Variants in GALNT18 observed in about 807,000 individuals in gnomAD.
GALNT18 encodes the protein polypeptide N-acetylgalactosaminyltransferase 18, also known as GalNAc-transferase 18.
Under a neutral mutation model 69.5 loss-of-function variants are expected in GALNT18, and 44 were observed. That is an observed-to-expected ratio of 0.63 (90% CI 0.50 to 0.81). The LOEUF (loss-of-function observed/expected upper bound fraction) is 0.81, where lower values mean the gene tolerates loss of function less well. Among genes scored for constraint, GALNT18 ranks in the 40% least tolerant of loss-of-function variants. GALNT18 has a pLI of 0.00. For synonymous variants in GALNT18, 364 were observed against 318.2 expected, an observed-to-expected ratio of 1.14 and a Z score of -1.53; for missense variants, 715 against 810.0, an observed-to-expected ratio of 0.88 and a Z score of 1.42.
chr11:11,319,052 T>C (rs4442542), intron 9 of GALNT18, among the ~76,000 whole-genome samples: 123,386 of 147,098 alleles, frequency 0.84, 51,106 homozygotes, highest in Middle Eastern at 0.91. Context: ...TTAGAAAATG[T>C]CTACAGATAC....
Position 11,459,460 on chromosome 11 carries a change from G to C in GALNT18, c.236-10524C>G, listed in dbSNP as rs1348390181. Reference sequence around the variant, plus strand: ...GAACAGTGTTGCAGGGAAGAAGAGAGGCTTCTTCAGGGTGCCTCAGCCCAA... The same window carrying C: ...GAACAGTGTTGCAGGGAAGAAGAGACGCTTCTTCAGGGTGCCTCAGCCCAA... On this transcript the variant is annotated intron_variant, in intron 1 of 10. Coordinates refer to ENST00000227756, the MANE Select transcript of GALNT18 (RefSeq NM_198516.3). The surrounding 1 kb of genome is among the most constrained non-coding windows in gnomAD (Gnocchi z 5.0). Among the ~76,000 whole-genome samples the C allele has an allele frequency of 6.6e-6, 1 of 152,142 alleles. No homozygotes were observed. Among genetic ancestry groups the C allele is most frequent in the Non-Finnish European group, 1.5e-5 (1 of 68,022 alleles).
chr11:11,611,068 T>C (rs1433529674), intron 1 of GALNT18, among the ~76,000 whole-genome samples: 3 of 152,162 alleles, frequency 2.0e-5, no homozygotes, highest in Non-Finnish European at 2.9e-5. Flanking sequence ...ACTTGGATAA[T>C]AGAAAATGTC....
intron 2 of GALNT18, among the ~76,000 whole-genome samples, chr11:11,445,895 A>C (rs994381812): frequency 6.6e-6 from 1 of 152,062 alleles, no homozygotes; most frequent in Non-Finnish European, 1.5e-5. Context: ...TCAGAAGAAA[A>C]CTGTAGAATT....
chr11:11,334,375 T>C (rs933577655), intron 7 of GALNT18, among the ~76,000 whole-genome samples: 2 of 151,922 alleles, frequency 1.3e-5, no homozygotes, highest in Non-Finnish European at 2.9e-5. Flanking sequence ...ACCCCGTCTC[T>C]ACTAAAAATA....
At chr11:11,285,663 A>G (rs1211290204) in intron 10 of GALNT18, among the ~76,000 whole-genome samples, 3 of 152,180 alleles carry the variant, frequency 2.0e-5, no homozygotes, top group East Asian at 3.8e-4. Flanking sequence ...TTTATTCTGG[A>G]GCCATCATTA....
Position 11,413,729 on chromosome 11 carries a change from G to C in GALNT18, c.595+18892C>G, listed in dbSNP as rs971141464. Among the ~76,000 whole-genome samples the C allele has an allele frequency of 6.6e-6, 1 of 152,174 alleles. No individual in the cohort carries two copies. Among genetic ancestry groups the C allele is most frequent in the African/African-American group, 2.4e-5 (1 of 41,444 alleles). ...GGCCCTGGTTCTTTGAAGCCTTGCTGTGTTATAACTAGGGTATTTCACCAT... is the reference window on the plus strand; with the variant it reads ...GGCCCTGGTTCTTTGAAGCCTTGCTCTGTTATAACTAGGGTATTTCACCAT... On this transcript the variant is annotated intron_variant, in intron 3 of 10. Transcript: ENST00000227756. This position sits in a 1 kb window ranked among gnomAD's most constrained non-coding sequence, Gnocchi z 4.7.
Position 11,314,692 on chromosome 11 carries a change from T to C in GALNT18, c.1512+12394A>G, listed in dbSNP as rs11021796. 0.1 allele frequency among the ~76,000 whole-genome samples: 15,232 copies of C among 152,260 alleles called. 874 individuals carry two copies. Among genetic ancestry groups the C allele is most frequent in the Non-Finnish European group, 0.13 (8,876 of 68,008 alleles). The stretch of plus-strand genomic sequence containing the variant: ...CTCTGGGTGGCCTGAGAATCAGGGA[T>C]AACTGCAGGCAGGTTCCAGGGGGCA... On this transcript the variant is annotated intron_variant, in intron 9 of 10. Coordinates refer to ENST00000227756, the MANE Select transcript of GALNT18 (RefSeq NM_198516.3). This position sits in a 1 kb window ranked among gnomAD's most constrained non-coding sequence, Gnocchi z 5.2.
Position 11,620,371 on chromosome 11 carries a change from T to G in GALNT18, c.235+988A>C, listed in dbSNP as rs773424385. 1.3e-5 allele frequency among the ~76,000 whole-genome samples: 2 copies of G among 151,824 alleles called. No homozygotes were observed. The highest frequency in any genetic ancestry group is 1.5e-5 in the Non-Finnish European group (1 of 67,978). On this transcript the variant is annotated intron_variant, in intron 1 of 10. Coordinates refer to ENST00000227756, the MANE Select transcript of GALNT18 (RefSeq NM_198516.3). The surrounding 1 kb of genome is among the most constrained non-coding windows in gnomAD (Gnocchi z 6.9). ...TGTGCACACCCGGCACCAGTGCTCC[T>G]GGCGCCCGGAACTCCATTCCCTCCC...
At chr11:11,481,259 C>T (rs939824824) in intron 1 of GALNT18, among the ~76,000 whole-genome samples, 2 of 141,682 alleles carry the variant, frequency 1.4e-5, no homozygotes. Context: ...CTTGCCCTGG[C>T]TACAGCTACA....
intron 9 of GALNT18, among the ~76,000 whole-genome samples, chr11:11,304,879 C>T (rs1849554221): frequency 6.6e-6 from 1 of 152,112 alleles, no homozygotes; most frequent in Non-Finnish European, 1.5e-5. Context: ...CCCCTTTGGC[C>T]CTAGAAAAAG....
At chr11:11,456,902 C>T (rs1855936707) in intron 1 of GALNT18, among the ~76,000 whole-genome samples, 1 of 152,192 alleles carries the variant, frequency 6.6e-6, no homozygotes, top group South Asian at 2.1e-4. Flanking sequence ...AAGAGTGGAG[C>T]TTACAGATAC....
intron 1 of GALNT18, among the ~76,000 whole-genome samples, chr11:11,560,489 C>T (rs1219503684): frequency 6.6e-6 from 1 of 152,220 alleles, no homozygotes; most frequent in East Asian, 1.9e-4. Context: ...AGGCTGGGAA[C>T]GTGCAGATCT....
chr11:11,357,646 C>T (rs952825918), intron 6 of GALNT18, among the ~76,000 whole-genome samples: 3 of 152,198 alleles, frequency 2.0e-5, no homozygotes, highest in Non-Finnish European at 4.4e-5. Context: ...CAGGCTCCTC[C>T]ACTTTTTCTC....
intron 9 of GALNT18, among the ~76,000 whole-genome samples, chr11:11,308,158 T>C (rs1461831668): frequency 6.6e-6 from 1 of 152,160 alleles, no homozygotes; most frequent in Non-Finnish European, 1.5e-5. Context: ...AAATCTTCAA[T>C]GGTTCTATCT....
chr11:11,331,090 C>T (rs1850010536), intron 8 of GALNT18, among the ~76,000 whole-genome samples: 1 of 152,164 alleles, frequency 6.6e-6, no homozygotes, highest in South Asian at 2.1e-4. Flanking sequence ...GCAGCTGTGT[C>T]CTCAGGATGG....
chr11:11,448,156 A>G (rs1470156168), intron 2 of GALNT18, among the ~76,000 whole-genome samples: 1 of 152,108 alleles, frequency 6.6e-6, no homozygotes, highest in East Asian at 1.9e-4. Flanking sequence ...TGTGGTTTGC[A>G]GCTTTTAAAA....
Position 11,332,825 on chromosome 11 carries a change from C to T in GALNT18, c.1285G>A (p.Gly429Arg), listed in dbSNP as rs1322545115. The part of the protein sequence containing the change: ...MAWNIPQEDS[G>R]IDIGDITARK... ...GCAGTGATGTCCCCAATGTCAATTC[C>T]TGAGTCCTGCACAGGGACGCAGAAG... The change falls in exon 8 of 11, where the codon GGA (glycine) becomes AGA (arginine). Residue 429 changes from glycine to arginine, a missense_variant. Coordinates refer to ENST00000227756, the MANE Select transcript of GALNT18 (RefSeq NM_198516.3). This position sits in a 1 kb window ranked among gnomAD's most constrained non-coding sequence, Gnocchi z 4.3. 6.2e-7 allele frequency: 1 copy of T among 1,613,304 alleles called. No individual in the cohort carries two copies. Among genetic ancestry groups the T allele is most frequent in the Non-Finnish European group, 8.5e-7 (1 of 1,179,996 alleles).
At chr11:11,357,555 T>G (rs891076230) in intron 6 of GALNT18, among the ~76,000 whole-genome samples, 4 of 152,246 alleles carry the variant, frequency 2.6e-5, no homozygotes, top group African/African-American at 9.6e-5. Context: ...CTTATGGCTG[T>G]GTCTAATGCC....
intron 10 of GALNT18, among the ~76,000 whole-genome samples, chr11:11,277,718 T>G (rs998872339): frequency 6.6e-6 from 1 of 152,224 alleles, no homozygotes; most frequent in African/African-American, 2.4e-5. Context: ...TCTCATTGGT[T>G]TCAAAGAACA....
Sources: allele counts gnomAD v4.1 joint callset (sites outside exome capture counted in the v4.1 genomes callset), GRCh38; gene constraint gnomAD v4.1.1; non-coding constraint Gnocchi (gnomAD v3.1); transcripts MANE v1.5; gene names NCBI Gene and HGNC (gene_info 2026-07-23, HGNC 2026-07-21).